The following SEL1L3 variants were observed in gnomAD, a reference collection of about 807,000 sequenced individuals.
SEL1L3 encodes the protein SEL1L family member 3.
A neutral mutation model predicts 142.8 loss-of-function variants in SEL1L3; 76 were observed. The observed-to-expected ratio is 0.53, with a 90% confidence interval of 0.44 to 0.64. SEL1L3 has a LOEUF of 0.64. SEL1L3 is among the 30% of genes least tolerant of loss of function. SEL1L3 has a pLI of 0.00. For missense variants in SEL1L3, 1,262 were observed against 1,381.7 expected (o/e 0.91, Z 1.37); for synonymous variants, 504 against 519.6 (o/e 0.97, Z 0.41).
Position 25,862,862 on chromosome 4 carries a change from G to T in SEL1L3, c.-26C>A. On this transcript the variant is annotated 5_prime_UTR_variant, in exon 1 of 24. Transcript: ENST00000399878. Reference sequence around the variant, plus strand: ...GGCGAGGCCGCCCGGATCCGGGCCGGAACAGGTCACCTGGTGCAGGGACCG... The same window carrying T: ...GGCGAGGCCGCCCGGATCCGGGCCGTAACAGGTCACCTGGTGCAGGGACCG... The T allele has an allele frequency of 8.3e-6, 9 of 1,086,032 alleles. No homozygotes were observed. Among genetic ancestry groups the T allele is most frequent in the Non-Finnish European group, 1.0e-5 (9 of 896,578 alleles). The allele number at this position is 1,086,032 out of a possible 1,614,324, so 67.3% of individuals were successfully genotyped here.
At chr4:25,716,482 A>G in the SEL1L3 span, among the ~76,000 whole-genome samples, 2 of 152,218 alleles carry the variant, frequency 1.3e-5, no homozygotes, top group African/African-American at 2.4e-5. Flanking sequence ...CCTTTGACAC[A>G]GTAATTGCAC....
intron 1 of SEL1L3, among the ~76,000 whole-genome samples, chr4:25,857,760 G>A (rs556966071): frequency 9.8e-5 from 15 of 152,312 alleles, no homozygotes; most frequent in African/African-American, 2.6e-4. Context: ...CTCAACTCAC[G>A]TCCTTGCCTT....
At chr4:25,787,839 G>C (rs1304540437) in intron 13 of SEL1L3, among the ~76,000 whole-genome samples, 2 of 152,158 alleles carry the variant, frequency 1.3e-5, no homozygotes, top group African/African-American at 4.8e-5. Context: ...TCATCAGCAG[G>C]ATTGTTGGGA....
At chr4:25,822,942 C>A (rs191353526) in intron 6 of SEL1L3, among the ~76,000 whole-genome samples, 1 of 152,112 alleles carries the variant, frequency 6.6e-6, no homozygotes, top group African/African-American at 2.4e-5. Flanking sequence ...GACAAAGGAA[C>A]CTGGAGGGAT....
chr4:25,776,390 C>CA (rs750768533), intron 16 of SEL1L3, 30 bp from the exon 17 acceptor site: 71 of 1,401,228 alleles, frequency 5.1e-5, no homozygotes, highest in Non-Finnish European at 6.8e-5. Flanking sequence ...AGAAAATACG[C>CA]AAACCATGGC....
At chr4:25,768,812 GA>G (rs540875227) in intron 17 of SEL1L3, among the ~76,000 whole-genome samples, 9 of 146,526 alleles carry the variant, frequency 6.1e-5, no homozygotes, top group South Asian at 4.3e-4. Flanking sequence ...TCCATTCAGT[GA>G]AAAAAAAAGC....
chr4:25,714,291 A>T, the SEL1L3 span, among the ~76,000 whole-genome samples: 2 of 152,074 alleles, frequency 1.3e-5, no homozygotes, highest in Admixed American at 6.6e-5. Context: ...TGTGAAAATG[A>T]TGTACAAAGG....
Position 25,823,604 on chromosome 4 carries a change from C to T in SEL1L3, c.1158-1476G>A, listed in dbSNP as rs567010232. 2.0e-4 allele frequency among the ~76,000 whole-genome samples: 30 copies of T among 151,866 alleles called. No homozygotes were observed. The Middle Eastern group carries it at 0.01, about 52-fold the overall frequency. On this transcript the variant is annotated intron_variant, in intron 6 of 23. Coordinates refer to ENST00000399878, the MANE Select transcript of SEL1L3 (RefSeq NM_015187.5). The stretch of plus-strand genomic sequence containing the variant: ...AGGATTCTTATTTTAAAGAATAGAT[C>T]ACAGCATATGTGTGATCAGAGCATA...
chr4:25,779,285 C>A, intron 15 of SEL1L3, 82 bp from the exon 16 acceptor site: 1 of 1,498,944 alleles, frequency 6.7e-7, no homozygotes, highest in Non-Finnish European at 9.1e-7. Context: ...TGCTTTAAGC[C>A]TGATATGATT....
chr4:25,855,957 C>A (rs1717228524), intron 1 of SEL1L3, among the ~76,000 whole-genome samples: 1 of 152,164 alleles, frequency 6.6e-6, no homozygotes, highest in African/African-American at 2.4e-5. Context: ...TTCCAAAGAG[C>A]CCTTACCCTT....
downstream of SEL1L3, among the ~76,000 whole-genome samples, chr4:25,745,540 T>C (rs1361764124): frequency 1.3e-5 from 2 of 152,166 alleles, no homozygotes; most frequent in Non-Finnish European, 1.5e-5. Flanking sequence ...ACCTTTGTTT[T>C]CCTACATCAG....
At chr4:25,822,194 T>C in intron 6 of SEL1L3, 66 bp from the exon 7 acceptor site, 2 of 1,594,844 alleles carry the variant, frequency 1.3e-6, no homozygotes, top group Non-Finnish European at 1.7e-6. Flanking sequence ...AAACAGTCTC[T>C]TTCCTAGACC....
At chr4:25,822,858 C>G (rs1165309196) in intron 6 of SEL1L3, among the ~76,000 whole-genome samples, 3 of 152,154 alleles carry the variant, frequency 2.0e-5, no homozygotes, top group Non-Finnish European at 4.4e-5. Flanking sequence ...TGGGAGAACC[C>G]CGGTGTCTGT....
At chr4:25,755,600 A>T (rs370539200) in intron 23 of SEL1L3, among the ~76,000 whole-genome samples, 420 of 152,324 alleles carry the variant, frequency 2.8e-3, no homozygotes, top group Non-Finnish European at 4.6e-3. Flanking sequence ...AATGACGAAA[A>T]TGTATGAAAG....
At chr4:25,857,773 T>C (rs896917546) in intron 1 of SEL1L3, among the ~76,000 whole-genome samples, 1 of 152,258 alleles carries the variant, frequency 6.6e-6, no homozygotes, top group Non-Finnish European at 1.5e-5. Flanking sequence ...CTTGCCTTTA[T>C]ACACCTGTCA....
rs1350885539 is a variant in SEL1L3, at chr4:25,818,163, T to C, written c.1539A>G (p.Ala513=). The part of the protein sequence containing the change: ...LKDKHPSLFQ[A]LLEMDLLTVP... ...CGGTCAGCAGATCCATCTCCAGCAATGCCTGGAACAAGCTGGGGTGTTTGT... is the reference window on the plus strand; with the variant it reads ...CGGTCAGCAGATCCATCTCCAGCAACGCCTGGAACAAGCTGGGGTGTTTGT... The change falls in exon 9 of 24, where the codon GCA becomes GCG. Residue 513 remains alanine, a synonymous_variant. Coordinates refer to ENST00000399878, the MANE Select transcript of SEL1L3 (RefSeq NM_015187.5). 1.2e-6 allele frequency: 2 copies of C among 1,611,520 alleles called. No individual in the cohort carries two copies. Among genetic ancestry groups the C allele is most frequent in the African/African-American group, 1.3e-5 (1 of 74,902 alleles).
At position 25,776,310 on chromosome 4, in the gene SEL1L3, C is replaced by A; in HGVS notation, c.2636G>T (p.Arg879Leu). 1.9e-6 allele frequency: 3 copies of A among 1,612,436 alleles called. No homozygotes were observed. The highest frequency in any genetic ancestry group is 2.2e-5 in the South Asian group (2 of 90,982). Residue 879 changes from arginine to leucine, a missense_variant, in exon 17 of 24, where the codon CGC (arginine) becomes CTC (leucine). Transcript: ENST00000399878. ...TTCCAGGTAGGCATTGAGGCCTTTG[C>A]GGATGACATGGCCCAAGTAGCCATT... ...EKNGYLGHVI[R>L]KGLNAYLEGS...
At chr4:25,806,748 A>G (rs1425685161) in intron 9 of SEL1L3, among the ~76,000 whole-genome samples, 1 of 152,034 alleles carries the variant, frequency 6.6e-6, no homozygotes, top group Non-Finnish European at 1.5e-5. Flanking sequence ...TTTTGATCCC[A>G]AGTACCTGGC....
chr4:25,833,476 G>A lies in SEL1L3; in HGVS notation c.954C>T (p.Gly318=). The change falls in exon 4 of 24, where the codon GGC becomes GGT. Residue 318 remains glycine (G), a synonymous_variant. Coordinates refer to ENST00000399878, the MANE Select transcript of SEL1L3 (RefSeq NM_015187.5). ...CTTCCGTAAGAAATACAGAAGGTGT[G>A]CCGTACATCTCATTAGAGTCAACAA... is the stretch of plus-strand genomic sequence containing the variant. ...LYFVDSNEMY[G]TPSVFLTEEG... 1 of 1,612,838 alleles carries A rather than the reference G, an allele frequency of 6.2e-7. No individual in the cohort carries two copies.
Sources: gnomAD v4.1 joint callset for allele counts (sites outside exome capture counted in the v4.1 genomes callset) on GRCh38, gnomAD v4.1.1 for gene constraint, MANE v1.5 for transcripts, NCBI Gene and HGNC (gene_info 2026-07-23, HGNC 2026-07-21) for gene names.